RBFOX1: variants seen among roughly 807,000 people sequenced by gnomAD.
RBFOX1 encodes the protein RNA binding protein fox-1 homolog 1.
In RBFOX1, 8 loss-of-function variants were observed where a neutral mutation model predicts 57.7. The observed-to-expected ratio is 0.14, with a 90% CI of 0.08 to 0.25. The LOEUF is 0.25. Among genes scored for constraint, RBFOX1 ranks in the 10% least tolerant of loss-of-function variants. The pLI, the probability that RBFOX1 is intolerant of heterozygous loss-of-function variation, is 1.00. For missense variants in RBFOX1, 611 were observed against 548.5 expected (o/e 1.11, Z -1.14); for synonymous variants, 326 against 222.4 (o/e 1.47, Z -4.15).
intron 9 of RBFOX1, among the ~76,000 whole-genome samples, chr16:7,606,085 A>C (rs997143332): frequency 6.7e-6 from 1 of 149,824 alleles, no homozygotes; most frequent in Non-Finnish European, 1.5e-5. Context: ...TGGTAGGATT[A>C]CAGGCATGAG....
chr16:7,232,488 C>G (rs1419004503), intron 4 of RBFOX1, among the ~76,000 whole-genome samples: 3 of 152,096 alleles, frequency 2.0e-5, no homozygotes, highest in Admixed American at 1.3e-4. Context: ...AAATACCTCC[C>G]CACACACATA....
At chr16:6,243,521 T>C (rs1239222448) in intron 1 of RBFOX1, among the ~76,000 whole-genome samples, 1 of 152,106 alleles carries the variant, frequency 6.6e-6, no homozygotes, top group Non-Finnish European at 1.5e-5. Context: ...GCATCTTCTG[T>C]GTTATCCTGC....
intron 4 of RBFOX1, among the ~76,000 whole-genome samples, chr16:7,083,645 A>C (rs1598998320): frequency 6.6e-6 from 1 of 152,148 alleles, no homozygotes; most frequent in African/African-American, 2.4e-5. Flanking sequence ...ATTTTTAATC[A>C]GTTTAATTTT....
intron 3 of RBFOX1, among the ~76,000 whole-genome samples, chr16:6,657,412 G>A (rs80226735): frequency 2.6e-5 from 4 of 151,910 alleles, no homozygotes; most frequent in Non-Finnish European, 4.4e-5. Flanking sequence ...CCTGAGGGAC[G>A]GCGTGCCCCT....
intron 3 of RBFOX1, among the ~76,000 whole-genome samples, chr16:6,934,551 G>A (rs116294178): frequency 6.6e-6 from 1 of 152,116 alleles, no homozygotes; most frequent in Non-Finnish European, 1.5e-5. Flanking sequence ...GACATAAAAA[G>A]AAGGAATTTT....
chr16:5,895,543 T>C (rs2058143689), intron 4 of RBFOX1, among the ~76,000 whole-genome samples: 1 of 152,200 alleles, frequency 6.6e-6, no homozygotes, highest in Non-Finnish European at 1.5e-5. Context: ...CAGCCTGATC[T>C]TTATTCTTAC....
chr16:7,075,865 C>T (rs1445815881), intron 4 of RBFOX1, among the ~76,000 whole-genome samples: 4 of 151,984 alleles, frequency 2.6e-5, no homozygotes, highest in Admixed American at 1.3e-4. Flanking sequence ...CAGGCGTGAG[C>T]CACCGCGCCC....
chr16:6,266,698 T>C (rs1335829814), intron 1 of RBFOX1, among the ~76,000 whole-genome samples: 1 of 148,376 alleles, frequency 6.7e-6, no homozygotes, highest in East Asian at 2.0e-4. Flanking sequence ...TGGGTGACAG[T>C]GCAAGACTCT....
rs1384245911 is a variant in RBFOX1, at chr16:6,895,444, GTGTGTATATATATA to G, written c.-15-156611_-15-156598del. Among the ~76,000 whole-genome samples the G allele has an allele frequency of 5.2e-3, 380 of 73,436 alleles. 3 individuals are homozygous for G. The highest frequency in any genetic ancestry group is 7.6e-3 in the Non-Finnish European group (300 of 39,556). The allele number at this position is 73,436 out of a possible 152,430, so 48.2% of individuals were successfully genotyped here. On this transcript the variant is annotated intron_variant, in intron 3 of 15. Transcript: ENST00000550418. ...TGTGTGTGTGTGTGTGTGTGTGTGT[GTGTGTATATATATA>G]TATATATATATATATATATATATAT...
intron 2 of RBFOX1, among the ~76,000 whole-genome samples, chr16:5,483,445 C>G (rs1299606927): frequency 6.6e-6 from 1 of 152,214 alleles, no homozygotes; most frequent in African/African-American, 2.4e-5. Flanking sequence ...AAGATGGAAA[C>G]TGGTGTTGCC....
At chr16:5,642,784 C>G (rs902676641) in intron 3 of RBFOX1, among the ~76,000 whole-genome samples, 1 of 152,132 alleles carries the variant, frequency 6.6e-6, no homozygotes, top group Non-Finnish European at 1.5e-5. Context: ...TGATGGTGTT[C>G]TCCCCTGATG....
intron 3 of RBFOX1, among the ~76,000 whole-genome samples, chr16:6,898,986 G>A (rs2067719067): frequency 1.4e-5 from 2 of 147,612 alleles, no homozygotes. Flanking sequence ...GTGTATGTGT[G>A]CATATATATA....
At chr16:7,337,530 C>T (rs952664348) in intron 4 of RBFOX1, among the ~76,000 whole-genome samples, 1 of 152,130 alleles carries the variant, frequency 6.6e-6, no homozygotes, top group Non-Finnish European at 1.5e-5. Flanking sequence ...AAACATAGAT[C>T]TCAAGAGTGA....
At chr16:7,479,812 C>G (rs2063514096) in intron 4 of RBFOX1, among the ~76,000 whole-genome samples, 1 of 152,168 alleles carries the variant, frequency 6.6e-6, no homozygotes, top group African/African-American at 2.4e-5. Flanking sequence ...TGTAACAAAG[C>G]TAGATGTGAA....
chr16:6,410,416 A>T (rs1013936548), intron 2 of RBFOX1, among the ~76,000 whole-genome samples: 1 of 146,132 alleles, frequency 6.8e-6, no homozygotes, highest in Non-Finnish European at 1.5e-5. Context: ...GGTTCAGGCC[A>T]TTCTCCTGCC....
chr16:5,372,259 C>A (rs2065876658), intron 1 of RBFOX1, among the ~76,000 whole-genome samples: 1 of 152,214 alleles, frequency 6.6e-6, no homozygotes, highest in Non-Finnish European at 1.5e-5. Context: ...CAACAAATTG[C>A]AGAACCTGAT....
intron 1 of RBFOX1, among the ~76,000 whole-genome samples, chr16:6,056,209 C>T (rs1311781348): frequency 6.6e-6 from 1 of 152,046 alleles, no homozygotes; most frequent in Non-Finnish European, 1.5e-5. Flanking sequence ...TGTGGTCTCG[C>T]CTGAGGATTT....
At chr16:6,769,837 G>A (rs1603618675) in intron 3 of RBFOX1, among the ~76,000 whole-genome samples, 1 of 152,180 alleles carries the variant, frequency 6.6e-6, no homozygotes, top group African/African-American at 2.4e-5. Flanking sequence ...ACATTCTGAG[G>A]ACAACTCACC....
chr16:7,143,508 C>A (rs878883161), intron 4 of RBFOX1, among the ~76,000 whole-genome samples: 3 of 152,090 alleles, frequency 2.0e-5, no homozygotes, highest in African/African-American at 7.2e-5. Flanking sequence ...ATCCTACCCC[C>A]GCCCCTGGAG....
Sources: gnomAD v4.1 joint callset for allele counts (sites outside exome capture counted in the v4.1 genomes callset) on GRCh38, gnomAD v4.1.1 for gene constraint, MANE v1.5 for transcripts, NCBI Gene and HGNC (gene_info 2026-07-23, HGNC 2026-07-21) for gene names.